Variants in WDR93 observed in about 807,000 individuals in gnomAD.
The protein encoded by WDR93 is WD repeat-containing protein 93.
Under a neutral mutation model 82.9 loss-of-function variants are expected in WDR93, and 73 were observed. The observed-to-expected ratio is 0.88, with a 90% CI of 0.73 to 1.07. The LOEUF is 1.07. Among genes scored for constraint, WDR93 ranks in the 50% least tolerant of loss-of-function variants. The pLI, the probability that WDR93 is intolerant of heterozygous loss-of-function variation, is 0.00. For synonymous variants in WDR93, 283 were observed against 300.1 expected, an observed-to-expected ratio of 0.94 and a Z score of 0.59; for missense variants, 738 against 826.0, an observed-to-expected ratio of 0.89 and a Z score of 1.31.
At chr15:89,700,502 A>AT (rs1965402293) in intron 1 of WDR93, among the ~76,000 whole-genome samples, 1 of 148,840 alleles carries the variant, frequency 6.7e-6, no homozygotes, top group Non-Finnish European at 1.5e-5. Flanking sequence ...TACATTAAAT[A>AT]TTTTTTTAAA....
At chr15:89,732,815 A>T (rs1464169929) in intron 12 of WDR93, among the ~76,000 whole-genome samples, 191 bp from the exon 13 acceptor site, 1 of 151,300 alleles carries the variant, frequency 6.6e-6, no homozygotes, top group East Asian at 1.9e-4. Context: ...ACACAGCAGC[A>T]TTCCCCTGCA....
chr15:89,720,562 C>T lies in WDR93; in HGVS notation c.796-1493C>T, dbSNP rs915307316. Among the ~76,000 whole-genome samples, 7 of 152,326 alleles carry T rather than the reference C, an allele frequency of 4.6e-5. No homozygotes were observed. The Middle Eastern group carries it at 0.01, about 222-fold the overall frequency. On this transcript the variant is annotated intron_variant, in intron 7 of 16. Transcript: ENST00000268130. Reference sequence around the variant, plus strand: ...CTGGAATTATAGGCGTGAGCCACTGCACCCAGCCGACTAGTAGATTTTTAG... The same window carrying T: ...CTGGAATTATAGGCGTGAGCCACTGTACCCAGCCGACTAGTAGATTTTTAG...
intron 4 of WDR93, among the ~76,000 whole-genome samples, chr15:89,708,868 G>C (rs1596080010): frequency 6.6e-6 from 1 of 152,256 alleles, no homozygotes; most frequent in Non-Finnish European, 1.5e-5. Flanking sequence ...AGAACAGTGA[G>C]AGTGGGGAAA....
intron 2 of WDR93, 87 bp from the exon 3 acceptor site, chr15:89,702,863 A>G (rs1965536663): frequency 1.5e-6 from 2 of 1,310,562 alleles, no homozygotes; most frequent in Non-Finnish European, 2.1e-6. Flanking sequence ...TTATCTAGGA[A>G]GGGCCCCTGA....
chr15:89,716,789 T>C, intron 6 of WDR93, 122 bp from the exon 7 acceptor site: 1 of 719,930 alleles, frequency 1.4e-6, no homozygotes, highest in South Asian at 1.8e-5. Flanking sequence ...GCCCTCCACA[T>C]CTGTTGCATG....
At chr15:89,714,927 A>G (rs1343161861) in intron 5 of WDR93, 53 bp from the exon 6 acceptor site, 36 of 1,490,252 alleles carry the variant, frequency 2.4e-5, no homozygotes, top group Non-Finnish European at 3.1e-5. Context: ...TTCTCAGAGG[A>G]AACTTGTGGC....
intron 4 of WDR93, among the ~76,000 whole-genome samples, chr15:89,708,886 A>T (rs1021209135): frequency 6.6e-6 from 1 of 152,230 alleles, no homozygotes; most frequent in Non-Finnish European, 1.5e-5. Context: ...AAATGACCAA[A>T]GGTCAGAGAG....
chr15:89,712,207 C>A, intron 5 of WDR93, 103 bp downstream of exon 5: 1 of 981,594 alleles, frequency 1.0e-6, no homozygotes, highest in Non-Finnish European at 1.5e-6. Context: ...AAATTATTTT[C>A]AATTCAAAGA....
chr15:89,730,023 G>A (rs1292592653), intron 11 of WDR93, among the ~76,000 whole-genome samples: 1 of 152,126 alleles, frequency 6.6e-6, no homozygotes, highest in Non-Finnish European at 1.5e-5. Flanking sequence ...AAGCAGCTAA[G>A]GTAAAAAGAG....
At chr15:89,690,366 G>T (rs1567087777), upstream of WDR93, among the ~76,000 whole-genome samples, 1 of 152,208 alleles carries the variant, frequency 6.6e-6, no homozygotes, top group Non-Finnish European at 1.5e-5. Flanking sequence ...CGTGCACGGG[G>T]CTAGGACGGG....
chr15:89,705,528 C>G (rs748944139), intron 3 of WDR93, 26 bp from the exon 4 acceptor site: 1 of 1,336,666 alleles, frequency 7.5e-7, no homozygotes, highest in South Asian at 1.2e-5. Context: ...TCTGTCTTAA[C>G]ATTCTCACTT....
At chr15:89,711,984 A>G in intron 4 of WDR93, 42 bp from the exon 5 acceptor site, 2 of 1,523,430 alleles carry the variant, frequency 1.3e-6, no homozygotes, top group East Asian at 2.3e-5. Flanking sequence ...ATTCTCTGTC[A>G]GCAGGCTATG....
At chr15:89,697,626 G>A (rs965663369) in intron 1 of WDR93, among the ~76,000 whole-genome samples, 6 of 152,118 alleles carry the variant, frequency 3.9e-5, no homozygotes, top group South Asian at 2.1e-4. Context: ...TGGGTAGAGC[G>A]TTCTGTAACT....
At position 89,704,339 on chromosome 15, in the gene WDR93, A is replaced by G. The variant is rs980671750; in HGVS notation, c.496+1197A>G. On this transcript the variant is annotated intron_variant, in intron 3 of 16. Transcript: ENST00000268130. ...TGAGACTCCATCTCAAAAAAAAAGA[A>G]AAGAAAAAGTGTACTATGGTTATGT... 5.9e-5 allele frequency: 9 copies of G among 152,342 alleles called. 1 individual carries two copies. The South Asian group carries it at 1.9e-3, about 32-fold the overall frequency. 9.4% of individuals were successfully genotyped at this position (152,342 alleles called of 1,614,324 possible). A position where few individuals can be genotyped will look rare whatever the true frequency, so the allele number is the denominator to read the frequency against.
chr15:89,703,218 G>C, intron 3 of WDR93, 76 bp downstream of exon 3: 2 of 1,521,028 alleles, frequency 1.3e-6, no homozygotes, highest in South Asian at 1.1e-5. Flanking sequence ...CTCCTTTTGA[G>C]GTATTGGTGG....
chr15:89,710,006 A>G (rs911908248), intron 4 of WDR93, among the ~76,000 whole-genome samples: 2 of 152,066 alleles, frequency 1.3e-5, no homozygotes, highest in African/African-American at 2.4e-5. Flanking sequence ...TAAAAATACA[A>G]AAAATTAGCC....
chr15:89,727,259 A>G lies in WDR93; in HGVS notation c.983A>G (p.Gln328Arg), dbSNP rs1270879467. The G allele has an allele frequency of 3.1e-6, 5 of 1,614,182 alleles. No homozygotes were observed. The highest frequency in any genetic ancestry group is 4.2e-6 in the Non-Finnish European group (5 of 1,180,016). Residue 328 changes from glutamine (Q) to arginine (R), a missense_variant, in exon 9 of 17, where the codon CAG becomes CGG. Transcript: ENST00000268130. ...TTCATCAAGGACAGTCAGTGGGAGC[A>G]GCAAGCTGAGATCTTCAACGCTTCC... ...NHFIKDSQWE[Q>R]QAEIFNASYK...
At chr15:89,714,073 C>T (rs958538588) in intron 5 of WDR93, among the ~76,000 whole-genome samples, 6 of 152,186 alleles carry the variant, frequency 3.9e-5, no homozygotes, top group African/African-American at 1.2e-4. Context: ...ACAGCCAACC[C>T]ATGGGTTGTT....
chr15:89,735,481 G>A lies in WDR93; in HGVS notation c.1545-9G>A. On this transcript the variant is annotated splice_polypyrimidine_tract_variant and intron_variant, in intron 13 of 16. Coordinates refer to ENST00000268130, the MANE Select transcript of WDR93 (RefSeq NM_020212.2). The stretch of plus-strand genomic sequence containing the variant: ...GTAGGAGAATGTCTGTATATTTTCT[G>A]TCCTATAGGCCTGTAAAGCACCTGG... 6.2e-7 allele frequency: 1 copy of A among 1,613,840 alleles called. No homozygotes were observed.
Sources: gnomAD v4.1 joint callset for allele counts (sites outside exome capture counted in the v4.1 genomes callset) on GRCh38, gnomAD v4.1.1 for gene constraint, MANE v1.5 for transcripts, NCBI Gene and HGNC (gene_info 2026-07-23, HGNC 2026-07-21) for gene names.